COL9A1: variants seen among roughly 807,000 people sequenced by gnomAD.
COL9A1 encodes collagen alpha-1(IX) chain.
A neutral mutation model predicts 142.6 loss-of-function variants in COL9A1; 104 were observed. That is an observed-to-expected ratio of 0.73 (90% confidence interval 0.62 to 0.86). COL9A1 has a LOEUF of 0.86. COL9A1 is among the 40% of genes least tolerant of loss of function. The pLI is 0.00. For synonymous variants in COL9A1, 466 were observed against 396.0 expected, an observed-to-expected ratio of 1.18 and a Z score of -2.10; for missense variants, 1,210 against 1,176.6, an observed-to-expected ratio of 1.03 and a Z score of -0.42.
chr6:70,240,652 TA>T, intron 32 of COL9A1, 36 bp downstream of exon 32: 1 of 1,550,626 alleles, frequency 6.4e-7, no homozygotes, highest in Non-Finnish European at 8.9e-7. Context: ...TCAAAATTGG[TA>T]AAGCTTCATC....
At chr6:70,268,086 C>T (rs1772146452) in intron 17 of COL9A1, among the ~76,000 whole-genome samples, 1 of 152,142 alleles carries the variant, frequency 6.6e-6, no homozygotes, top group South Asian at 2.1e-4. Context: ...GAGAAAAATA[C>T]TTTGGGAAAG....
intron 10 of COL9A1, chr6:70,280,382 G>T (rs894285192): frequency 4.4e-5 from 52 of 1,170,158 alleles, no homozygotes; most frequent in Middle Eastern, 3.5e-4. Flanking sequence ...CTAAATTAAT[G>T]CAGGGAGTGC....
At chr6:70,272,566 ACCT>A (rs1772478058) in intron 12 of COL9A1, among the ~76,000 whole-genome samples, 1 of 151,970 alleles carries the variant, frequency 6.6e-6, no homozygotes, top group East Asian at 1.9e-4. Flanking sequence ...TCAGAAACAC[ACCT>A]CCCTTTTGAA....
intron 19 of COL9A1, 72 bp downstream of exon 19, chr6:70,263,172 A>T: frequency 7.9e-7 from 1 of 1,259,852 alleles, no homozygotes; most frequent in Non-Finnish European, 1.1e-6. Flanking sequence ...CTAAATAGAA[A>T]ATATTCCAAC....
At chr6:70,225,854 T>C (rs1177313569) in intron 37 of COL9A1, 78 bp downstream of exon 37, 4 of 1,061,668 alleles carry the variant, frequency 3.8e-6, no homozygotes, top group Admixed American at 3.4e-5. Context: ...ACAATTATTT[T>C]AAAATTTTAT....
In COL9A1 at chr6:70,280,988, G is replaced by A; in HGVS notation, c.912+16C>T. ...AAAGGAAGGAAGTGGAGCGCCATAT[G>A]CTCCAATCAACTTACCGGGGGGCCC... is the stretch of plus-strand genomic sequence containing the variant. On this transcript the variant is annotated intron_variant, in intron 9 of 37. Coordinates refer to ENST00000357250, the MANE Select transcript of COL9A1 (RefSeq NM_001851.6). The A allele has an allele frequency of 1.2e-6, 2 of 1,613,576 alleles. No homozygotes were observed.
chr6:70,217,104 C>T (rs761652460), intron 37 of COL9A1, 23 bp from the exon 38 acceptor site: 13 of 1,612,964 alleles, frequency 8.1e-6, no homozygotes, highest in South Asian at 3.3e-5. Context: ...GAAGATTGCA[C>T]ATGTGAACAG....
intron 26 of COL9A1, 83 bp from the exon 27 acceptor site, chr6:70,252,398 T>G: frequency 1.6e-6 from 2 of 1,235,896 alleles, no homozygotes; most frequent in Non-Finnish European, 2.4e-6. Flanking sequence ...CTGGGATCTC[T>G]TACATTTGAA....
At chr6:70,255,104 A>T (rs1396234276) in intron 23 of COL9A1, 46 bp downstream of exon 23, 1 of 1,613,504 alleles carries the variant, frequency 6.2e-7, no homozygotes, top group Non-Finnish European at 8.5e-7. Context: ...ATTGCAAGTC[A>T]ATGATCACTG....
At chr6:70,260,409 G>A (rs1771594540) in intron 20 of COL9A1, among the ~76,000 whole-genome samples, 1 of 152,046 alleles carries the variant, frequency 6.6e-6, no homozygotes, top group South Asian at 2.1e-4. Context: ...CGGGCGTGGT[G>A]GCAGGCGCCT....
rs72927370 is a variant in COL9A1, at chr6:70,283,357, C to T, written c.780+380G>A. On this transcript the variant is annotated intron_variant, in intron 6 of 37. Coordinates refer to ENST00000357250, the MANE Select transcript of COL9A1 (RefSeq NM_001851.6). ...AGGACTGAGCACGCAGCTCTGCCTC[C>T]ATCCCATCCACCCCAGTGCAGCTTC... 50,177 of 921,922 alleles carry T rather than the reference C, an allele frequency of 0.054. 1,443 individuals carry two copies. The highest frequency in any genetic ancestry group is 0.083 in the Middle Eastern group (252 of 3,052). 57.1% of individuals were successfully genotyped at this position (921,922 alleles called of 1,614,324 possible).
chr6:70,300,130 C>T lies in COL9A1; in HGVS notation c.212G>A (p.Arg71Lys). 1 of 1,613,862 alleles carries T rather than the reference C, an allele frequency of 6.2e-7. No homozygotes were observed. The highest frequency in any genetic ancestry group is 8.5e-7 in the Non-Finnish European group (1 of 1,179,874). The change falls in exon 4 of 38, where the codon AGA (arginine) becomes AAA (lysine). Residue 71 changes from arginine (R) to lysine (K), a missense_variant. Arg to Lys is a conservative substitution (Grantham distance 26). Transcript: ENST00000357250. The stretch of plus-strand genomic sequence containing the variant: ...TCCCACTACTCTCTGGATAGCTCTT[C>T]TAGATGCTGCTTTATCTACCTGGAA... ...SQFQVDKAAS[R>K]RAIQRVVGSA...
chr6:70,232,231 T>C (rs903424208), intron 36 of COL9A1, among the ~76,000 whole-genome samples: 19 of 152,220 alleles, frequency 1.2e-4, no homozygotes, highest in Non-Finnish European at 1.5e-5. Context: ...ACAATGACTT[T>C]AGGGTCTCAA....
intron 33 of COL9A1, 88 bp downstream of exon 33, chr6:70,239,166 A>G: frequency 1.1e-6 from 1 of 919,774 alleles, no homozygotes; most frequent in Admixed American, 2.1e-5. Flanking sequence ...AATGTTACAT[A>G]ATGATTTCAT....
intron 33 of COL9A1, among the ~76,000 whole-genome samples, chr6:70,237,150 A>G (rs1769961497): frequency 6.6e-6 from 1 of 152,140 alleles, no homozygotes; most frequent in Admixed American, 6.5e-5. Context: ...CCCAGAAGAG[A>G]AGACAAAATG....
chr6:70,279,764 A>G (rs1280758036), intron 10 of COL9A1: 8 of 427,632 alleles, frequency 1.9e-5, no homozygotes, highest in Admixed American at 3.6e-5. Flanking sequence ...CACCTTAATA[A>G]CAGTAAAAAT....
chr6:70,218,306 T>G (rs528101602), intron 37 of COL9A1, among the ~76,000 whole-genome samples: 1 of 152,350 alleles, frequency 6.6e-6, no homozygotes, highest in African/African-American at 2.4e-5. Context: ...AACATGAACT[T>G]TGCAATAGCA....
intron 28 of COL9A1, among the ~76,000 whole-genome samples, chr6:70,248,157 A>G (rs1171558282): frequency 6.6e-6 from 1 of 152,190 alleles, no homozygotes; most frequent in African/African-American, 2.4e-5. Context: ...GAGCTACCAC[A>G]TGGTAGGACC....
chr6:70,281,453 CG>C lies in COL9A1; in HGVS notation c.812del (p.Pro271ArgfsTer57). On this transcript the variant is annotated frameshift_variant, in exon 8 of 38. Coordinates refer to ENST00000357250, the MANE Select transcript of COL9A1 (RefSeq NM_001851.6). LOFTEE classifies it high-confidence loss of function. ...GAGGCCCGGGAGGACCCTGCTCACC[CG>C]GGGGACCTCTCTGGCAAAAATAGCA... Reference protein sequence around the residue: ...PSQTTDERGPPGEQGPPGPPG... With the variant: ...PSQTTDERGPXGEQGPPGPPG... The C allele has an allele frequency of 1.2e-6, 2 of 1,612,218 alleles. No individual in the cohort carries two copies.
Sources: allele counts gnomAD v4.1 joint callset (sites outside exome capture counted in the v4.1 genomes callset), GRCh38; gene constraint gnomAD v4.1.1; transcripts MANE v1.5; gene names NCBI Gene and HGNC (gene_info 2026-07-23, HGNC 2026-07-21).